MYO7B: variants seen among roughly 807,000 people sequenced by gnomAD.
The protein encoded by MYO7B is unconventional myosin-VIIb.
A neutral mutation model predicts 259.7 loss-of-function variants in MYO7B; 212 were observed. The observed-to-expected ratio is 0.82, with a 90% CI of 0.73 to 0.91. The LOEUF is 0.91. MYO7B is among the 40% of genes least tolerant of loss of function. The probability of loss-of-function intolerance (pLI) is 0.00; values close to 1 mark genes in which losing one functional copy is unlikely to be tolerated. For missense variants in MYO7B, 2,732 were observed against 2,813.5 expected, an observed-to-expected ratio of 0.97 and a Z score of 0.66; for synonymous variants, 1,197 against 1,166.4, an observed-to-expected ratio of 1.03 and a Z score of -0.54.
rs1032131224 is a variant in MYO7B, at chr2:127,635,317, G to A, written c.5820+91G>A. The A allele has an allele frequency of 3.2e-6, 4 of 1,261,832 alleles. No homozygotes were observed. The African/African-American group carries it at 4.4e-5, about 14-fold the overall frequency. The allele number at this position is 1,261,832 out of a possible 1,614,324, so 78.2% of individuals were successfully genotyped here. On this transcript the variant is annotated intron_variant, in intron 43 of 47. Transcript: ENST00000409816. ...TGTAGAAGCCAGCAGGCCAGGGCAG[G>A]GCCAGCCTCAGCCCTGGGTACCAGC... is the stretch of plus-strand genomic sequence containing the variant.
At chr2:127,536,213 C>A (rs1692769367) in intron 1 of MYO7B, among the ~76,000 whole-genome samples, 1 of 152,180 alleles carries the variant, frequency 6.6e-6, no homozygotes, top group Non-Finnish European at 1.5e-5. Flanking sequence ...CCATGATGAG[C>A]CCCTGCCAGA....
rs772227479 is a variant in MYO7B, at chr2:127,584,773, T to A, written c.1555-5T>A. On this transcript the variant is annotated splice_region_variant and splice_polypyrimidine_tract_variant and intron_variant, in intron 13 of 47. Coordinates refer to ENST00000409816, the MANE Select transcript of MYO7B (RefSeq NM_001393586.1). The surrounding 1 kb of genome is among the most constrained non-coding windows in gnomAD (Gnocchi z 5.8). ...TCAGCCCACAGGGTGTCTGGGTTCTTCCAGGGGACAGATCTCACCATGCTG... is the reference window on the plus strand; with the variant it reads ...TCAGCCCACAGGGTGTCTGGGTTCTACCAGGGGACAGATCTCACCATGCTG... 2.0e-5 allele frequency: 33 copies of A among 1,613,634 alleles called. No individual in the cohort carries two copies. The highest frequency in any genetic ancestry group is 2.7e-5 in the Non-Finnish European group (32 of 1,179,772).
In MYO7B at chr2:127,636,870, G is replaced by A. The variant is rs766450702; in HGVS notation, c.6284G>A (p.Gly2095Glu). The change falls in exon 47 of 48, where the codon GGG becomes GAG. Residue 2095 changes from glycine to glutamate, a missense_variant. By Grantham distance (98) the Gly-to-Glu change is moderately conservative. Transcript: ENST00000409816. The surrounding 1 kb of genome is among the most constrained non-coding windows in gnomAD (Gnocchi z 4.5). Reference sequence around the variant, plus strand: ...AGCACCTACTTCCACATGGCGCTGGGGAGCCTGGGCCGTGGCAGCCGCCTG... The same window carrying A: ...AGCACCTACTTCCACATGGCGCTGGAGAGCCTGGGCCGTGGCAGCCGCCTG... The part of the protein sequence containing the change: ...SGSTYFHMAL[G>E]SLGRGSRLLC... 4.3e-6 allele frequency: 7 copies of A among 1,613,482 alleles called. No individual in the cohort carries two copies. The highest frequency in any genetic ancestry group is 3.3e-5 in the South Asian group (3 of 91,082).
intron 1 of MYO7B, among the ~76,000 whole-genome samples, chr2:127,538,169 T>C (rs1573596111): frequency 6.6e-6 from 1 of 152,152 alleles, no homozygotes; most frequent in South Asian, 2.1e-4. Flanking sequence ...ACGGGGGATG[T>C]TCCAGGTGGA....
chr2:127,550,522 C>T (rs1420583616), intron 1 of MYO7B, among the ~76,000 whole-genome samples: 1 of 150,646 alleles, frequency 6.6e-6, no homozygotes, highest in Non-Finnish European at 1.5e-5. Context: ...CACGCAACTG[C>T]ACTCTAGCCT....
Position 127,613,012 on chromosome 2 carries a change from T to C in MYO7B, c.3398+409T>C, listed in dbSNP as rs145200088. Among the ~76,000 whole-genome samples, 673 of 152,370 alleles carry C rather than the reference T, an allele frequency of 4.4e-3. 2 individuals carry two copies. The highest frequency in any genetic ancestry group is 7.7e-3 in the Non-Finnish European group (524 of 68,028). On this transcript the variant is annotated intron_variant, in intron 26 of 47. Transcript: ENST00000409816. The surrounding 1 kb of genome is among the most constrained non-coding windows in gnomAD (Gnocchi z 4.3). ...CACTGCAGTTCCCATCCGTGTTGGC[T>C]GAATGCGTAGAAGCAGAATCCGAAC... is the stretch of plus-strand genomic sequence containing the variant.
Position 127,605,900 on chromosome 2 carries a change from G to A in MYO7B, c.2396G>A (p.Gly799Asp), listed in dbSNP as rs1558830197. 1.9e-6 allele frequency: 3 copies of A among 1,613,782 alleles called. No homozygotes were observed. The highest frequency in any genetic ancestry group is 1.7e-6 in the Non-Finnish European group (2 of 1,179,870). The part of the protein sequence containing the change: ...AAVTLQAWWR[G>D]YCNRRNFKLI... ...GTGACCCTGCAGGCCTGGTGGAGAG[G>A]CTACTGCAACAGGAGGAATTTCAAG... Residue 799 changes from glycine to aspartate, a missense_variant, in exon 20 of 48, where the codon GGC becomes GAC. By Grantham distance (94) the Gly-to-Asp change is moderately conservative. Transcript: ENST00000409816.
chr2:127,592,243 A>C (rs1474680532), intron 16 of MYO7B, among the ~76,000 whole-genome samples: 1 of 152,046 alleles, frequency 6.6e-6, no homozygotes, highest in African/African-American at 2.4e-5. Flanking sequence ...AAAAATACAA[A>C]ACTTACCCGG....
rs903275282 is a variant in MYO7B at position 127,612,236 on chromosome 2, G to C, written c.3193-14G>C. 5 of 621,118 alleles carry C rather than the reference G, an allele frequency of 8.0e-6. No individual in the cohort carries two copies. Among genetic ancestry groups the C allele is most frequent in the Non-Finnish European group, 1.5e-5 (5 of 337,306 alleles). The allele number at this position is 621,118 out of a possible 1,614,324, so 38.5% of individuals were successfully genotyped here. On this transcript the variant is annotated splice_polypyrimidine_tract_variant and intron_variant, in intron 24 of 47. Transcript: ENST00000409816. ...CCAGGCTCACCTTCCTGCGGGAACT[G>C]TCTCCCTCCACAGAGATCTGGCTGC...
chr2:127,588,010 A>G (rs1021641169), intron 14 of MYO7B, among the ~76,000 whole-genome samples: 12 of 152,216 alleles, frequency 7.9e-5, no homozygotes, highest in African/African-American at 2.7e-4. Context: ...ACACCAACAT[A>G]TGAATTTTAG....
chr2:127,636,329 A>G lies in MYO7B; in HGVS notation c.6123+5A>G, dbSNP rs941062756. 7 of 1,611,138 alleles carry G rather than the reference A, an allele frequency of 4.3e-6. No homozygotes were observed. In the Admixed American group the frequency reaches 1.2e-4, roughly 27 times the overall value. On this transcript the variant is annotated splice_donor_5th_base_variant and intron_variant, in intron 45 of 47. Coordinates refer to ENST00000409816, the MANE Select transcript of MYO7B (RefSeq NM_001393586.1). The surrounding 1 kb of genome is among the most constrained non-coding windows in gnomAD (Gnocchi z 4.5). ...TCCGCCTTCTTCGAGGTGAAGGTAA[A>G]CCTTGCCCCACGCCAGGGCCTCCTA...
chr2:127,634,535 G>C lies in MYO7B; in HGVS notation c.5626-61G>C, dbSNP rs1024933040. ...GCGGCCACTGGACCAGAACCCAGCAGGTTCTCAGGAGGACAGTCCCCGGAA... is the reference window on the plus strand; with the variant it reads ...GCGGCCACTGGACCAGAACCCAGCACGTTCTCAGGAGGACAGTCCCCGGAA... On this transcript the variant is annotated intron_variant, in intron 41 of 47. Coordinates refer to ENST00000409816, the MANE Select transcript of MYO7B (RefSeq NM_001393586.1). 1.4e-5 allele frequency: 21 copies of C among 1,461,274 alleles called. No homozygotes were observed. In the African/African-American group the frequency reaches 2.7e-4, roughly 18 times the overall value. The allele number at this position is 1,461,274 out of a possible 1,614,324, so 90.5% of individuals were successfully genotyped here.
intron 10 of MYO7B, 35 bp downstream of exon 10, chr2:127,580,857 G>A (rs745661508): frequency 8.8e-6 from 14 of 1,593,376 alleles, no homozygotes; most frequent in South Asian, 2.3e-5. Context: ...CCATTTTGGT[G>A]GGGGGCCTCA....
chr2:127,564,115 A>C lies in MYO7B; in HGVS notation c.19-38A>C, dbSNP rs200746674. On this transcript the variant is annotated intron_variant, in intron 2 of 47. Transcript: ENST00000409816. ...GTATCCAGCAGGGAGGGGAAGAGAG[A>C]GCGGGGATCACACCACTGTCTTCTG... The C allele has an allele frequency of 1.2e-3, 1,723 of 1,378,544 alleles. 1 individual carries two copies. Among genetic ancestry groups the C allele is most frequent in the Non-Finnish European group, 1.3e-3 (1,325 of 999,022 alleles). 85.4% of individuals were successfully genotyped at this position (1,378,544 alleles called of 1,614,324 possible).
At chr2:127,565,511 G>A (rs541262862) in intron 4 of MYO7B, 126 bp downstream of exon 4, 6 of 1,304,030 alleles carry the variant, frequency 4.6e-6, no homozygotes, top group Non-Finnish European at 6.3e-6. Flanking sequence ...GGTGGGCGAG[G>A]TGCCTAACTT....
chr2:127,566,731 G>A lies in MYO7B; in HGVS notation c.374G>A (p.Arg125His), dbSNP rs202156444. The stretch of plus-strand genomic sequence containing the variant: ...GAGCAGGTACAGCTCTACTACAGCC[G>A]CCATATGGGCGAGCTGCCCCCGCAT... Reference protein sequence around the residue: ...TLEQVQLYYSRHMGELPPHVF... With the variant: ...TLEQVQLYYSHHMGELPPHVF... Residue 125 changes from arginine to histidine, a missense_variant, in exon 5 of 48, where the codon CGC becomes CAC. Coordinates refer to ENST00000409816, the MANE Select transcript of MYO7B (RefSeq NM_001393586.1). 847 of 1,612,504 alleles carry A rather than the reference G, an allele frequency of 5.3e-4. No homozygotes were observed. Among genetic ancestry groups the A allele is most frequent in the Non-Finnish European group, 6.7e-4 (785 of 1,179,776 alleles).
At chr2:127,593,668 GCTGTCGGCCTC>G (rs1477920547) in intron 18 of MYO7B, 24 bp downstream of exon 18, 2 of 1,606,072 alleles carry the variant, frequency 1.2e-6, no homozygotes, top group African/African-American at 2.7e-5. Flanking sequence ...GAACCAGCCA[GCTGTCGGCCTC>G]CTGCAGCATG....
rs1054027399 is a variant in MYO7B, at chr2:127,611,886, C to T, written c.3193-364C>T. Among the ~76,000 whole-genome samples the T allele has an allele frequency of 6.6e-6, 1 of 152,154 alleles. No homozygotes were observed. The highest frequency in any genetic ancestry group is 1.5e-5 in the Non-Finnish European group (1 of 68,034). ...GAGAATGACCATGGCCTGGGGCTGT[C>T]CTAAGCACCTGGGCTCAGACCCAGT... On this transcript the variant is annotated intron_variant, in intron 24 of 47. Transcript: ENST00000409816. The surrounding 1 kb of genome is among the most constrained non-coding windows in gnomAD (Gnocchi z 5.4).
chr2:127,620,873 C>T (rs1452174850), intron 27 of MYO7B, among the ~76,000 whole-genome samples: 1 of 152,152 alleles, frequency 6.6e-6, no homozygotes, highest in Non-Finnish European at 1.5e-5. Context: ...TGTTAGTGGC[C>T]CCAAGCTTCA....
Sources: allele counts gnomAD v4.1 joint callset (sites outside exome capture counted in the v4.1 genomes callset), GRCh38; gene constraint gnomAD v4.1.1; non-coding constraint Gnocchi (gnomAD v3.1); transcripts MANE v1.5; gene names NCBI Gene and HGNC (gene_info 2026-07-23, HGNC 2026-07-21).